Variants in PTPN22 observed in about 807,000 individuals in gnomAD.
PTPN22 encodes protein tyrosine phosphatase non-receptor type 22.
In PTPN22, 85 loss-of-function variants were observed where a neutral mutation model predicts 103.3. The observed-to-expected ratio is 0.82, with a 90% CI of 0.69 to 0.99. The LOEUF is 0.99. Ranked by LOEUF, PTPN22 falls within the 50% of genes least tolerant of loss-of-function variation. The pLI is 0.00. For missense variants in PTPN22, 865 were observed against 936.9 expected (o/e 0.92, Z 1.00); for synonymous variants, 323 against 310.2 (o/e 1.04, Z -0.43).
intron 1 of PTPN22, among the ~76,000 whole-genome samples, chr1:113,861,780 A>C (rs2102154167): frequency 6.6e-6 from 1 of 152,292 alleles, no homozygotes; most frequent in South Asian, 2.1e-4. Flanking sequence ...AAAAGTAATA[A>C]ACTACACCAG....
chr1:113,814,397 C>T (rs1571320613), exon 21 of PTPN22: 1 of 152,318 alleles, frequency 6.6e-6, no homozygotes, highest in Middle Eastern at 3.4e-3. Context: ...TTTTCCACAA[C>T]ATTTGGGAAG....
At chr1:113,837,171 G>T (rs764172563) in intron 13 of PTPN22, among the ~76,000 whole-genome samples, 1 of 152,150 alleles carries the variant, frequency 6.6e-6, no homozygotes, top group African/African-American at 2.4e-5. Context: ...AAGGAAGCAG[G>T]CTAGGCGTGG....
At chr1:113,842,659 C>T (rs974766793) in intron 11 of PTPN22, among the ~76,000 whole-genome samples, 12 of 151,590 alleles carry the variant, frequency 7.9e-5, no homozygotes, top group African/African-American at 2.7e-4. Flanking sequence ...GGCAACAGAG[C>T]GAGACTGTGC....
Position 113,858,520 on chromosome 1 carries a change from G to A in PTPN22, c.327C>T (p.Thr109=), listed in dbSNP as rs1425598575. 2.5e-6 allele frequency: 4 copies of A among 1,607,366 alleles called. No homozygotes were observed. The Middle Eastern group carries it at 5.3e-4, about 213-fold the overall frequency. The change falls in exon 4 of 21, where the codon ACC becomes ACT. Residue 109 remains threonine, a synonymous_variant. Coordinates refer to ENST00000359785, the Ensembl canonical transcript of PTPN22. ...AAATCATCCTCCAGAAGTCCAGGAG[G>A]GTTGTAGATAAAGGACCCTGGGTGG... is the stretch of plus-strand genomic sequence containing the variant.
intron 19 of PTPN22, among the ~76,000 whole-genome samples, chr1:113,824,342 C>T (rs1486646236): frequency 6.6e-6 from 1 of 152,140 alleles, no homozygotes; most frequent in African/African-American, 2.4e-5. Context: ...CCTTGTGATC[C>T]ACCTGCCTCG....
intron 11 of PTPN22, among the ~76,000 whole-genome samples, chr1:113,843,677 TTAAAA>T (rs1485464544): frequency 1.3e-5 from 2 of 152,178 alleles, no homozygotes; most frequent in African/African-American, 4.8e-5. Context: ...AAATAGTAAA[TTAAAA>T]TGATATATTA....
chr1:113,839,418 C>A (rs1444874312), intron 11 of PTPN22, among the ~76,000 whole-genome samples: 2 of 148,840 alleles, frequency 1.3e-5, no homozygotes, highest in African/African-American at 5.0e-5. Context: ...AAGTTAGGGT[C>A]TTATTCTGTT....
At chr1:113,832,908 T>C in intron 16 of PTPN22, 2 of 513,128 alleles carry the variant, frequency 3.9e-6, no homozygotes. Flanking sequence ...AGAGGTTATA[T>C]ATTAAGGAGC....
At chr1:113,846,985 A>G (rs1208382569) in intron 11 of PTPN22, among the ~76,000 whole-genome samples, 1 of 141,164 alleles carries the variant, frequency 7.1e-6, no homozygotes, top group East Asian at 2.0e-4. Flanking sequence ...TGATGACCCA[A>G]TGCTAGATTT....
chr1:113,861,270 T>G (rs1665566655), intron 1 of PTPN22, among the ~76,000 whole-genome samples: 1 of 152,216 alleles, frequency 6.6e-6, no homozygotes, highest in African/African-American at 2.4e-5. Flanking sequence ...AGACAAAGTC[T>G]TGCTCTATCG....
intron 7 of PTPN22, among the ~76,000 whole-genome samples, chr1:113,855,475 G>A (rs1664962032): frequency 8.0e-6 from 1 of 125,078 alleles, no homozygotes; most frequent in African/African-American, 3.1e-5. Context: ...CCACACTCCA[G>A]ACTGGGTGAC....
chr1:113,823,983 C>A (rs1661829091), intron 19 of PTPN22, among the ~76,000 whole-genome samples: 1 of 152,166 alleles, frequency 6.6e-6, no homozygotes, highest in African/African-American at 2.4e-5. Context: ...TTAGACTATA[C>A]CTACATCAGA....
intron 17 of PTPN22, 44 bp downstream of exon 17, chr1:113,829,905 T>C (rs1401825043): frequency 1.3e-6 from 2 of 1,497,388 alleles, no homozygotes; most frequent in African/African-American, 1.4e-5. Context: ...TCTTTTAACA[T>C]TTTCATTTTT....
chr1:113,854,536 C>T, exon 9 of PTPN22: 1 of 1,612,984 alleles, frequency 6.2e-7, no homozygotes, highest in Non-Finnish European at 8.5e-7. Context: ...CCACAGCCAG[C>T]ACTGAAATGA....
At chr1:113,816,179 A>T (rs897198092) in intron 20 of PTPN22, among the ~76,000 whole-genome samples, 8 of 152,186 alleles carry the variant, frequency 5.3e-5, no homozygotes, top group Non-Finnish European at 1.2e-4. Flanking sequence ...TTGTGTAAAA[A>T]GCGAATGGGG....
intron 1 of PTPN22, among the ~76,000 whole-genome samples, chr1:113,860,459 C>T (rs1665475173): frequency 1.3e-5 from 2 of 152,284 alleles, no homozygotes; most frequent in African/African-American, 2.4e-5. Context: ...AGAGAGCCTA[C>T]TGTAGTTTGA....
At chr1:113,834,729 TAAA>T (rs945364716) in intron 14 of PTPN22, among the ~76,000 whole-genome samples, 178 bp downstream of exon 14, 6 of 146,488 alleles carry the variant, frequency 4.1e-5, no homozygotes, top group Admixed American at 2.0e-4. Context: ...TCTGCTAAAT[TAAA>T]AAAAAAAAAT....
intron 19 of PTPN22, among the ~76,000 whole-genome samples, chr1:113,824,888 T>C (rs915027310): frequency 6.8e-6 from 1 of 147,840 alleles, no homozygotes; most frequent in Non-Finnish European, 1.5e-5. Flanking sequence ...GCCATTGTAC[T>C]AATTATTATT....
chr1:113,816,080 C>T (rs775945256), intron 20 of PTPN22, among the ~76,000 whole-genome samples: 7 of 152,166 alleles, frequency 4.6e-5, no homozygotes, highest in African/African-American at 7.2e-5. Context: ...AAATGAAAAA[C>T]TCAAAGATAT....
Sources: gnomAD v4.1 joint callset for allele counts (sites outside exome capture counted in the v4.1 genomes callset) on GRCh38, gnomAD v4.1.1 for gene constraint, MANE v1.5 for transcripts, NCBI Gene and HGNC (gene_info 2026-07-23, HGNC 2026-07-21) for gene names.